Variants in GARS1 observed in about 807,000 individuals in gnomAD.
GARS1 encodes glycyl-tRNA synthetase 1.
GARS1 carries 46 observed loss-of-function variants against 86.4 expected under a neutral mutation model. That is an observed-to-expected ratio of 0.53 (90% confidence interval 0.42 to 0.68). GARS1 has a LOEUF of 0.68. Among genes scored for constraint, GARS1 ranks in the 30% least tolerant of loss-of-function variants. The probability of loss-of-function intolerance (pLI) is 0.00; values close to 1 mark genes in which losing one functional copy is unlikely to be tolerated. For missense variants in GARS1, 797 were observed against 915.6 expected (o/e 0.87, Z 1.67); for synonymous variants, 342 against 329.8 (o/e 1.04, Z -0.40).
At chr7:30,631,960 G>A (rs1193559771) in intron 15 of GARS1, 3 of 441,312 alleles carry the variant, frequency 6.8e-6, no homozygotes, top group Non-Finnish European at 1.3e-5. Flanking sequence ...CCTGCTTAGA[G>A]CCATAAAAAT....
At chr7:30,625,729 C>T (rs995966645) in intron 12 of GARS1, among the ~76,000 whole-genome samples, 7 of 152,136 alleles carry the variant, frequency 4.6e-5, no homozygotes, top group African/African-American at 1.4e-4. Context: ...CATTAAACTT[C>T]TTTTAAACTG....
chr7:30,623,707 C>T (rs1783065861), intron 12 of GARS1, among the ~76,000 whole-genome samples: 1 of 152,062 alleles, frequency 6.6e-6, no homozygotes, highest in Admixed American at 6.5e-5. Flanking sequence ...AACGCTAAAA[C>T]TACAGATTCA....
At chr7:30,596,232 G>C (rs1791243408) in intron 1 of GARS1, among the ~76,000 whole-genome samples, 1 of 152,208 alleles carries the variant, frequency 6.6e-6, no homozygotes, top group Admixed American at 6.5e-5. Flanking sequence ...CGCAAATTCA[G>C]CCACTTTGCC....
chr7:30,604,249 A>G (rs1316052395), intron 6 of GARS1, among the ~76,000 whole-genome samples: 4 of 152,188 alleles, frequency 2.6e-5, no homozygotes, highest in Non-Finnish European at 5.9e-5. Context: ...GCATGTGCTC[A>G]TGTATATATG....
At position 30,632,375 on chromosome 7, in the gene GARS1, A is replaced by C. The variant is rs761412461; in HGVS notation, c.2032A>C (p.Asn678His). ...FGVTIDFDTV[N>H]KTPHTATLRD... The stretch of plus-strand genomic sequence containing the variant: ...TGTCACCATTGACTTTGACACAGTG[A>C]ACAAGACCCCCCACACTGCAACTCT... Residue 678 changes from asparagine to histidine, a missense_variant, in exon 16 of 17, where the codon AAC becomes CAC. Physicochemically the swap from Asn to His is moderately conservative, Grantham distance 68. Coordinates refer to ENST00000389266, the MANE Select transcript of GARS1 (RefSeq NM_002047.4). The surrounding 1 kb of genome is among the most constrained non-coding windows in gnomAD (Gnocchi z 4.1). 2 of 1,614,164 alleles carry C rather than the reference A, an allele frequency of 1.2e-6. No individual in the cohort carries two copies. Among genetic ancestry groups the C allele is most frequent in the Non-Finnish European group, 1.7e-6 (2 of 1,180,010 alleles).
intron 1 of GARS1, chr7:30,596,060 T>G (rs1431643338): frequency 2.7e-6 from 1 of 366,162 alleles, no homozygotes; most frequent in African/African-American, 2.1e-5. Flanking sequence ...GATTCCCATA[T>G]GCAATTAGGG....
intron 12 of GARS1, 75 bp downstream of exon 12, chr7:30,622,537 T>C: frequency 7.0e-6 from 11 of 1,563,918 alleles, no homozygotes; most frequent in Non-Finnish European, 8.8e-6. Flanking sequence ...AAGGATGAGA[T>C]TAATTTCTTA....
chr7:30,603,891 T>C (rs1270234931), intron 6 of GARS1, among the ~76,000 whole-genome samples: 6 of 152,190 alleles, frequency 3.9e-5, no homozygotes, highest in Admixed American at 3.9e-4. Flanking sequence ...AGCACTGGTG[T>C]GGAGACTTCG....
intron 10 of GARS1, among the ~76,000 whole-genome samples, chr7:30,618,259 A>T (rs1782929710): frequency 6.6e-6 from 1 of 152,148 alleles, no homozygotes; most frequent in South Asian, 2.1e-4. Flanking sequence ...AAAGGACCAG[A>T]TGGTAAATAT....
At chr7:30,633,073 T>C (rs1461648024) in intron 16 of GARS1, among the ~76,000 whole-genome samples, 1 of 152,242 alleles carries the variant, frequency 6.6e-6, no homozygotes, top group African/African-American at 2.4e-5. Flanking sequence ...TGCTTTTTTT[T>C]CTGAAGGAGT....
intron 4 of GARS1, among the ~76,000 whole-genome samples, chr7:30,602,751 T>C (rs1791406919): frequency 6.6e-6 from 1 of 152,262 alleles, no homozygotes; most frequent in Admixed American, 6.5e-5. Context: ...TCCTGAAGAA[T>C]AGTACAGACT....
At chr7:30,595,459 T>C (rs1791227784) in intron 1 of GARS1, among the ~76,000 whole-genome samples, 1 of 152,126 alleles carries the variant, frequency 6.6e-6, no homozygotes, top group South Asian at 2.1e-4. Context: ...CTATTTCCAG[T>C]GGGGCTGGGA....
At chr7:30,597,466 T>G (rs1227258926) in intron 1 of GARS1, among the ~76,000 whole-genome samples, 1 of 152,228 alleles carries the variant, frequency 6.6e-6, no homozygotes, top group Non-Finnish European at 1.5e-5. Flanking sequence ...CCTACATATG[T>G]CTTTCTTCAT....
rs772022544 is a variant in GARS1, at chr7:30,621,375, T to C, written c.1360-18T>C. ...TAATAATAAGTAAGTAATGTTTTTATTGATTATATCTTTTTAGGGTTGGAT... is the reference window on the plus strand; with the variant it reads ...TAATAATAAGTAAGTAATGTTTTTACTGATTATATCTTTTTAGGGTTGGAT... On this transcript the variant is annotated intron_variant, in intron 10 of 16. Coordinates refer to ENST00000389266, the MANE Select transcript of GARS1 (RefSeq NM_002047.4). The C allele has an allele frequency of 2.5e-6, 4 of 1,602,312 alleles. No individual in the cohort carries two copies. Among genetic ancestry groups the C allele is most frequent in the African/African-American group, 1.3e-5 (1 of 74,640 alleles).
chr7:30,594,839 C>G, upstream of GARS1: 1 of 1,226,872 alleles, frequency 8.2e-7, no homozygotes. Flanking sequence ...GTCGTTTACG[C>G]GGCGATTTCA....
At chr7:30,611,825 A>G (rs1292523144) in intron 7 of GARS1, among the ~76,000 whole-genome samples, 1 of 152,156 alleles carries the variant, frequency 6.6e-6, no homozygotes, top group East Asian at 1.9e-4. Flanking sequence ...CTGCTTTTTG[A>G]GAAGTGGGGT....
rs769821967 is a variant in GARS1 at position 30,632,094 on chromosome 7, C to T, written c.1904-153C>T. 1.9e-5 allele frequency: 14 copies of T among 740,552 alleles called. No homozygotes were observed. Among genetic ancestry groups the T allele is most frequent in the Admixed American group, 4.2e-5 (2 of 47,744 alleles). 45.9% of individuals were successfully genotyped at this position (740,552 alleles called of 1,614,324 possible). ...GGATTCCCGCAAGGGATTTATTAAA[C>T]TTTAGGGATATTTCTTTCTCTTGCA... On this transcript the variant is annotated intron_variant, in intron 15 of 16. Transcript: ENST00000389266. The surrounding 1 kb of genome is among the most constrained non-coding windows in gnomAD (Gnocchi z 4.1).
intron 6 of GARS1, among the ~76,000 whole-genome samples, chr7:30,604,354 C>T (rs1791441359): frequency 6.6e-6 from 1 of 152,086 alleles, no homozygotes; most frequent in Non-Finnish European, 1.5e-5. Flanking sequence ...TGAGGCTCAC[C>T]TCTTAAATTT....
At chr7:30,607,224 A>G (rs951812952) in intron 6 of GARS1, among the ~76,000 whole-genome samples, 1 of 152,156 alleles carries the variant, frequency 6.6e-6, no homozygotes, top group African/African-American at 2.4e-5. Context: ...TTTTATTTTC[A>G]GTATTCAGGG....
Sources: gnomAD v4.1 joint callset for allele counts (sites outside exome capture counted in the v4.1 genomes callset) on GRCh38, gnomAD v4.1.1 for gene constraint, Gnocchi (gnomAD v3.1) non-coding constraint, MANE v1.5 for transcripts, NCBI Gene and HGNC (gene_info 2026-07-23, HGNC 2026-07-21) for gene names.